WAPL: variants seen among roughly 807,000 people sequenced by gnomAD.
The protein encoded by WAPL is WAPL cohesin release factor.
In WAPL, 5 loss-of-function variants were observed where a neutral mutation model predicts 121.0. The observed-to-expected ratio is 0.04, with a 90% CI of 0.02 to 0.09. WAPL has a LOEUF of 0.09. Among genes scored for constraint, WAPL ranks in the 10% least tolerant of loss-of-function variants. The pLI, the probability that WAPL is intolerant of heterozygous loss-of-function variation, is 1.00. For synonymous variants in WAPL, 480 were observed against 481.5 expected, an observed-to-expected ratio of 1.00 and a Z score of 0.04; for missense variants, 999 against 1,410.8, an observed-to-expected ratio of 0.71 and a Z score of 4.68.
intron 13 of WAPL, 102 bp from the exon 14 acceptor site, chr10:86,453,437 C>A: frequency 7.6e-7 from 1 of 1,307,294 alleles, no homozygotes. Context: ...ATTGTATAGT[C>A]ATTCCTCTAT....
At position 86,499,789 on chromosome 10, in the gene WAPL, G is replaced by A. The variant is rs1266674177; in HGVS notation, c.1454C>T (p.Ser485Leu). The change falls in exon 3 of 19, where the codon TCA (serine) becomes TTA (leucine). Residue 485 changes from serine to leucine, a missense_variant. Physicochemically the swap from Ser to Leu is moderately radical, Grantham distance 145 (BLOSUM62 -2). Around this residue, in one of 7 missense-constraint regions of WAPL, gnomAD observed 531 missense variants for 563.1 expected, o/e 0.94. Coordinates refer to ENST00000298767, the MANE Select transcript of WAPL (RefSeq NM_015045.5). Reference sequence around the variant, plus strand: ...TTCTGGGGGAGGCTGCAAGGAGGGTGATGGAGCTGTTTTAGTTCTTTTTTT... The same window carrying A: ...TTCTGGGGGAGGCTGCAAGGAGGGTAATGGAGCTGTTTTAGTTCTTTTTTT... ...TSKKRTKTAP[S>L]PSLQPPPESN... is the part of the protein sequence containing the mutation. The A allele has an allele frequency of 4.3e-6, 7 of 1,612,068 alleles. No homozygotes were observed. Among genetic ancestry groups the A allele is most frequent in the Admixed American group, 1.7e-5 (1 of 59,514 alleles).
At chr10:86,470,734 T>C (rs1841516986) in intron 8 of WAPL, among the ~76,000 whole-genome samples, 1 of 151,992 alleles carries the variant, frequency 6.6e-6, no homozygotes, top group Non-Finnish European at 1.5e-5. Flanking sequence ...ATCAATATAC[T>C]ACATTAGCTA....
chr10:86,493,060 CAA>C (rs751266999), intron 4 of WAPL, among the ~76,000 whole-genome samples: 5 of 77,312 alleles, frequency 6.5e-5, no homozygotes, highest in Admixed American at 1.5e-4. Flanking sequence ...GACTCCGTCT[CAA>C]AAAAAAAAAA....
At chr10:86,513,929 T>G (rs755181792) in intron 2 of WAPL, among the ~76,000 whole-genome samples, 30 of 152,202 alleles carry the variant, frequency 2.0e-4, no homozygotes, top group Non-Finnish European at 3.5e-4. Flanking sequence ...AACCATGACC[T>G]GCAAAAGACT....
Position 86,467,327 on chromosome 10 carries a change from C to G in WAPL, c.2322G>C (p.Arg774Ser), listed in dbSNP as rs1168667246. 2 of 1,614,056 alleles carry G rather than the reference C, an allele frequency of 1.2e-6. No individual in the cohort carries two copies. Among genetic ancestry groups the G allele is most frequent in the Non-Finnish European group, 1.7e-6 (2 of 1,180,006 alleles). The change falls in exon 9 of 19, where the codon AGG becomes AGC. Residue 774 changes from arginine (R) to serine (S), a missense_variant. This residue lies in a region of WAPL where 118 missense variants were observed against 318.3 expected (regional missense o/e 0.37). Transcript: ENST00000298767. Reference protein sequence around the residue: ...DMNKIKEKIRRLCETVHNKHL... With the variant: ...DMNKIKEKIRSLCETVHNKHL... Reference sequence around the variant, plus strand: ...GCTTGTTGTGTACAGTTTCACAGAGCCTTCGGATTTTTTCTTTAATTTTGT... The same window carrying G: ...GCTTGTTGTGTACAGTTTCACAGAGGCTTCGGATTTTTTCTTTAATTTTGT...
intron 16 of WAPL, 53 bp downstream of exon 16, chr10:86,446,189 A>C (rs1249128887): frequency 2.5e-6 from 4 of 1,594,676 alleles, no homozygotes; most frequent in Non-Finnish European, 3.4e-6. Flanking sequence ...GAAGAAAAAA[A>C]CAAAATCAAA....
Position 86,517,919 on chromosome 10 carries a change from A to T in WAPL, c.151T>A (p.Phe51Ile). 6.2e-7 allele frequency: 1 copy of T among 1,614,150 alleles called. No homozygotes were observed. Among genetic ancestry groups the T allele is most frequent in the Non-Finnish European group, 8.5e-7 (1 of 1,180,024 alleles). The change falls in exon 2 of 19, where the codon TTC (phenylalanine) becomes ATC (isoleucine). Residue 51 changes from phenylalanine to isoleucine, a missense_variant. This residue lies in a region of WAPL where 531 missense variants were observed against 563.1 expected (regional missense o/e 0.94). Coordinates refer to ENST00000298767, the MANE Select transcript of WAPL (RefSeq NM_015045.5). ...MAKLGQKRPN[F>I]KPDIQEIPKK... Reference sequence around the variant, plus strand: ...GGAATTTCTTGGATATCTGGTTTGAAATTGGGCCTCTTCTGCCCTAATTTA... The same window carrying T: ...GGAATTTCTTGGATATCTGGTTTGATATTGGGCCTCTTCTGCCCTAATTTA...
Position 86,461,246 on chromosome 10 carries a change from A to C in WAPL, c.2412T>G (p.Ser804=), listed in dbSNP as rs1202086443. 1.2e-6 allele frequency: 2 copies of C among 1,613,698 alleles called. No individual in the cohort carries two copies. The highest frequency in any genetic ancestry group is 2.7e-5 in the African/African-American group (2 of 74,920). The change falls in exon 10 of 19, where the codon TCT becomes TCG. Residue 804 remains serine, a synonymous_variant. Transcript: ENST00000298767. ...LAMETLLSLT[S]KRAGDWFKEE... ...CTTTAAACCAGTCTCCTGCTCGTTT[A>C]GAAGTAAGGGATAATAATGTCTCCA...
chr10:86,499,983 G>C lies in WAPL; in HGVS notation c.1260C>G (p.Ser420=). The change falls in exon 3 of 19, where the codon TCC becomes TCG. Residue 420 remains serine (S), a synonymous_variant. Transcript: ENST00000298767. ...TTRFRPSNTK[S]KKDVKLEFFG... ...AAAATTCAAGTTTAACATCCTTTTT[G>C]GATTTAGTATTACTAGGTCGAAATC... The C allele has an allele frequency of 6.2e-7, 1 of 1,613,872 alleles. No individual in the cohort carries two copies. Among genetic ancestry groups the C allele is most frequent in the Non-Finnish European group, 8.5e-7 (1 of 1,179,954 alleles).
intron 2 of WAPL, 77 bp downstream of exon 2, chr10:86,517,494 T>C (rs1425655721): frequency 2.1e-5 from 31 of 1,475,908 alleles, no homozygotes; most frequent in Non-Finnish European, 2.7e-5. Context: ...ACAATATATA[T>C]TTTAGAATTT....
intron 4 of WAPL, among the ~76,000 whole-genome samples, chr10:86,475,006 T>C (rs1370467218): frequency 6.6e-6 from 1 of 152,214 alleles, no homozygotes; most frequent in African/African-American, 2.4e-5. Context: ...ATAACATACA[T>C]GATTTCTGCA....
At chr10:86,464,408 A>C (rs1319729793) in intron 9 of WAPL, among the ~76,000 whole-genome samples, 2 of 152,248 alleles carry the variant, frequency 1.3e-5, no homozygotes, top group African/African-American at 4.8e-5. Context: ...AAATGAATCT[A>C]AATGTTGAAT....
At chr10:86,489,912 TAA>T (rs1487719222) in intron 4 of WAPL, among the ~76,000 whole-genome samples, 2 of 148,654 alleles carry the variant, frequency 1.3e-5, no homozygotes, top group African/African-American at 5.0e-5. Flanking sequence ...GCTACTACGT[TAA>T]GACACAGCTT....
Position 86,467,424 on chromosome 10 carries a change from T to G in WAPL, c.2225A>C (p.Asp742Ala). 1 of 1,614,094 alleles carries G rather than the reference T, an allele frequency of 6.2e-7. No homozygotes were observed. The highest frequency in any genetic ancestry group is 8.5e-7 in the Non-Finnish European group (1 of 1,180,014). ...CAGTTCCAAAAGTCGAATCATTAGA[T>G]CTAAGCTAGCTCTATCAAGATCCAT... ...LNMDLDRASLDLMIRLLELEQ... is the reference protein window; with the variant it reads ...LNMDLDRASLALMIRLLELEQ... Residue 742 changes from aspartate to alanine, a missense_variant, in exon 9 of 19, where the codon GAT becomes GCT. Around this residue, in one of 7 missense-constraint regions of WAPL, gnomAD observed 118 missense variants for 318.3 expected, o/e 0.37. Transcript: ENST00000298767.
intron 9 of WAPL, among the ~76,000 whole-genome samples, chr10:86,464,270 C>T (rs1198646497): frequency 2.0e-5 from 3 of 152,170 alleles, no homozygotes; most frequent in Non-Finnish European, 4.4e-5. Flanking sequence ...CTGGCTTAAT[C>T]ATATGAGTAA....
chr10:86,485,474 T>C (rs781245353), intron 4 of WAPL, among the ~76,000 whole-genome samples: 19 of 152,098 alleles, frequency 1.2e-4, no homozygotes, highest in Admixed American at 2.0e-4. Context: ...GAGACAGAGA[T>C]TGCAGTGAGC....
chr10:86,486,231 C>G (rs1346444801), intron 4 of WAPL, among the ~76,000 whole-genome samples: 1 of 152,148 alleles, frequency 6.6e-6, no homozygotes, highest in Non-Finnish European at 1.5e-5. Flanking sequence ...TAAAACTGTT[C>G]TGACAGAAAA....
chr10:86,438,858 A>C (rs1316236839), intron 17 of WAPL, among the ~76,000 whole-genome samples: 1 of 152,228 alleles, frequency 6.6e-6, no homozygotes, highest in African/African-American at 2.4e-5. Flanking sequence ...TATTAGCAAG[A>C]AGCAGCCAAA....
intron 9 of WAPL, among the ~76,000 whole-genome samples, chr10:86,464,756 A>C (rs1210533093): frequency 1.3e-5 from 2 of 152,198 alleles, no homozygotes; most frequent in African/African-American, 4.8e-5. Context: ...GAATCATTTG[A>C]ACCTGGGAGG....
Sources: allele counts gnomAD v4.1 joint callset (sites outside exome capture counted in the v4.1 genomes callset), GRCh38; gene constraint gnomAD v4.1.1; regional missense constraint gnomAD v4.1.1; transcripts MANE v1.5; gene names NCBI Gene and HGNC (gene_info 2026-07-23, HGNC 2026-07-21).